The following HOATZ variants were observed in gnomAD, a reference collection of about 807,000 sequenced individuals.
HOATZ encodes the protein cilia- and flagella-associated protein HOATZ.
HOATZ carries 26 observed loss-of-function variants against 24.9 expected under a neutral mutation model. The ratio of observed to expected loss-of-function variants is 1.04; its 90% CI spans 0.76 to 1.45. HOATZ has a LOEUF of 1.45. Among genes scored for constraint, HOATZ ranks in the 40% most tolerant of loss-of-function variants. The pLI is 0.00. For synonymous variants in HOATZ, 83 were observed against 76.6 expected, an observed-to-expected ratio of 1.08 and a Z score of -0.43; for missense variants, 226 against 201.5, an observed-to-expected ratio of 1.12 and a Z score of -0.74.
intron 1 of HOATZ, 30 bp downstream of exon 1, chr11:111,515,040 A>T (rs1867164975): frequency 6.5e-7 from 1 of 1,537,286 alleles, no homozygotes; most frequent in African/African-American, 1.4e-5. Context: ...CCTGTCAGTC[A>T]TATCTGCCTC....
Position 111,516,098 on chromosome 11 carries a change from G to C in HOATZ, c.327G>C (p.Lys109Asn). The change falls in exon 3 of 6, where the codon AAG becomes AAC. Residue 109 changes from lysine (K) to asparagine (N), a missense_variant. Coordinates refer to ENST00000375618, the MANE Select transcript of HOATZ (RefSeq NM_001100388.2). Reference sequence around the variant, plus strand: ...TACAGGAATCTGAGGAGAAAGTAAAGTATCTCCAAAAGGTAGGCCAATATT... The same window carrying C: ...TACAGGAATCTGAGGAGAAAGTAAACTATCTCCAAAAGGTAGGCCAATATT... The part of the protein sequence containing the change: ...LKIQESEEKV[K>N]YLQKAKTREE... 6.3e-7 allele frequency: 1 copy of C among 1,590,860 alleles called. No individual in the cohort carries two copies. The highest frequency in any genetic ancestry group is 8.6e-7 in the Non-Finnish European group (1 of 1,165,030).
intron 3 of HOATZ, among the ~76,000 whole-genome samples, chr11:111,530,973 T>A (rs566298515): frequency 6.6e-6 from 1 of 152,308 alleles, no homozygotes; most frequent in South Asian, 2.1e-4. Flanking sequence ...ATGTGATATG[T>A]GATATTTAAA....
intron 3 of HOATZ, among the ~76,000 whole-genome samples, chr11:111,531,501 A>G (rs1435308024): frequency 6.6e-6 from 1 of 152,244 alleles, no homozygotes; most frequent in Admixed American, 6.5e-5. Context: ...ATTAATACTG[A>G]TTGAATACAT....
In HOATZ at chr11:111,514,950, C is replaced by T; in HGVS notation, c.166C>T (p.Leu56=). The change falls in exon 1 of 6, where the codon CTG becomes TTG. Residue 56 remains leucine (L), a synonymous_variant. Coordinates refer to ENST00000375618, the MANE Select transcript of HOATZ (RefSeq NM_001100388.2). ...TCCCCCTAGCGAATCTCAGCTGGTG[C>T]TGCGCAGAGACAGCAGTCAGCGTCT... ...MYPPSESQLV[L]RRDSSQRLPV... 6.2e-7 allele frequency: 1 copy of T among 1,613,910 alleles called. No homozygotes were observed.
chr11:111,521,587 A>G (rs1201951187), intron 3 of HOATZ, among the ~76,000 whole-genome samples: 1 of 152,202 alleles, frequency 6.6e-6, no homozygotes, highest in Non-Finnish European at 1.5e-5. Context: ...TAAAAGGAAT[A>G]CCAATAGGAA....
chr11:111,529,585 A>G (rs1867374274), intron 3 of HOATZ, among the ~76,000 whole-genome samples: 1 of 151,920 alleles, frequency 6.6e-6, no homozygotes, highest in South Asian at 2.1e-4. Context: ...GATGGTCTCG[A>G]ACTCCTGACC....
intron 3 of HOATZ, among the ~76,000 whole-genome samples, chr11:111,523,205 CTTTTTT>C (rs747393521): frequency 8.5e-5 from 8 of 94,270 alleles, no homozygotes; most frequent in Admixed American, 7.5e-4. Context: ...TAAGTGTTCA[CTTTTTT>C]TTTTTTTTTT....
chr11:111,532,384 A>G (rs999413522), intron 3 of HOATZ, among the ~76,000 whole-genome samples: 4 of 152,186 alleles, frequency 2.6e-5, no homozygotes, highest in African/African-American at 9.7e-5. Context: ...GTCTTTGCAG[A>G]TGAAATTAGT....
intron 3 of HOATZ, chr11:111,524,794 A>G (rs1360823199): frequency 1.0e-5 from 4 of 396,360 alleles, no homozygotes; most frequent in African/African-American, 4.3e-5. Context: ...TCAATTTACA[A>G]ACAGTTGATT....
intron 3 of HOATZ, among the ~76,000 whole-genome samples, chr11:111,528,814 G>A (rs1443856116): frequency 6.6e-6 from 1 of 152,204 alleles, no homozygotes; most frequent in East Asian, 1.9e-4. Flanking sequence ...CACTCTGTGT[G>A]TGTGTGTGTG....
At chr11:111,521,745 G>A (rs552637626) in intron 3 of HOATZ, among the ~76,000 whole-genome samples, 12 of 152,306 alleles carry the variant, frequency 7.9e-5, no homozygotes, top group Admixed American at 7.2e-4. Flanking sequence ...GATAGCAAAT[G>A]ATAATTAAAA....
chr11:111,521,508 T>C (rs1345626331), intron 3 of HOATZ, among the ~76,000 whole-genome samples: 3 of 152,178 alleles, frequency 2.0e-5, no homozygotes, highest in African/African-American at 4.8e-5. Flanking sequence ...AATTTCCCAG[T>C]AAGTGTTACC....
At chr11:111,526,069 T>A (rs939945804) in intron 3 of HOATZ, among the ~76,000 whole-genome samples, 1 of 152,164 alleles carries the variant, frequency 6.6e-6, no homozygotes, top group Non-Finnish European at 1.5e-5. Flanking sequence ...GAGCGGGCAT[T>A]AACTAGGTCA....
At chr11:111,532,996 T>G (rs991733390) in intron 3 of HOATZ, among the ~76,000 whole-genome samples, 3 of 152,250 alleles carry the variant, frequency 2.0e-5, no homozygotes, top group Non-Finnish European at 4.4e-5. Context: ...TATATTTGCC[T>G]ATTTTTATAG....
intron 3 of HOATZ, among the ~76,000 whole-genome samples, chr11:111,518,766 G>T (rs1013363025): frequency 1.3e-5 from 2 of 152,170 alleles, no homozygotes; most frequent in African/African-American, 4.8e-5. Flanking sequence ...ACTATAAGCT[G>T]GTTCTCCATT....
chr11:111,525,473 T>C (rs553820138), intron 3 of HOATZ, among the ~76,000 whole-genome samples: 23 of 152,334 alleles, frequency 1.5e-4, no homozygotes, highest in African/African-American at 5.5e-4. Context: ...GGACATTGTT[T>C]AGGTTTTACT....
intron 3 of HOATZ, among the ~76,000 whole-genome samples, chr11:111,521,781 A>T (rs1867271313): frequency 1.3e-5 from 2 of 152,242 alleles, no homozygotes; most frequent in South Asian, 4.1e-4. Flanking sequence ...CATATGTTTT[A>T]TGCTTTTATA....
chr11:111,534,445 G>T lies in HOATZ; in HGVS notation c.433G>T (p.Ala145Ser). The change falls in exon 5 of 6, where the codon GCC becomes TCC. Residue 145 changes from alanine (A) to serine (S), a missense_variant. Ala to Ser is a moderately conservative substitution (Grantham distance 99). Transcript: ENST00000375618. ...ELISLPYKPK[A>S]KEHKAKKVVS... The stretch of plus-strand genomic sequence containing the variant: ...GATTTCCCTTCCGTATAAACCAAAA[G>T]CCAAAGAACACAAAGCAAAGTAAGT... 6.2e-7 allele frequency: 1 copy of T among 1,611,778 alleles called. No individual in the cohort carries two copies. The highest frequency in any genetic ancestry group is 8.5e-7 in the Non-Finnish European group (1 of 1,178,018).
chr11:111,515,542 T>C lies in HOATZ; in HGVS notation c.258T>C (p.Leu86=). Residue 86 remains leucine (L), a synonymous_variant, in exon 2 of 6, where the codon CTT becomes CTC. Transcript: ENST00000375618. ...ENSHSSQSFH[L]ASNKNRDIFA... ...GCCACTCCTCGCAGTCTTTTCACCTTGCGAGTAACAGTAAGTACCAAGTTT... is the reference window on the plus strand; with the variant it reads ...GCCACTCCTCGCAGTCTTTTCACCTCGCGAGTAACAGTAAGTACCAAGTTT... 6.2e-7 allele frequency: 1 copy of C among 1,613,416 alleles called. No individual in the cohort carries two copies.
Sources: allele counts gnomAD v4.1 joint callset (sites outside exome capture counted in the v4.1 genomes callset), GRCh38; gene constraint gnomAD v4.1.1; transcripts MANE v1.5; gene names NCBI Gene and HGNC (gene_info 2026-07-23, HGNC 2026-07-21).